The following RPS6KA2 variants were observed in gnomAD, a reference collection of about 807,000 sequenced individuals.
RPS6KA2 encodes the protein ribosomal protein S6 kinase A2.
Under a neutral mutation model 91.8 loss-of-function variants are expected in RPS6KA2, and 42 were observed. That is an observed-to-expected ratio of 0.46 (90% CI 0.36 to 0.59). RPS6KA2 has a LOEUF of 0.59. Among genes scored for constraint, RPS6KA2 ranks in the 20% least tolerant of loss-of-function variants. RPS6KA2 has a pLI of 0.00. For synonymous variants in RPS6KA2, 414 were observed against 393.6 expected (o/e 1.05, Z -0.61); for missense variants, 798 against 978.5 (o/e 0.82, Z 2.46).
At chr6:166,581,466 T>C (rs968817708) in intron 1 of RPS6KA2, among the ~76,000 whole-genome samples, 1 of 152,106 alleles carries the variant, frequency 6.6e-6, no homozygotes, top group Non-Finnish European at 1.5e-5. Context: ...TACGCTCCAC[T>C]GTCCTGAGGG....
rs533505427 is a variant in RPS6KA2, at chr6:166,515,898, G to A, written c.299-5541C>T. Among the ~76,000 whole-genome samples, 38 of 152,262 alleles carry A rather than the reference G, an allele frequency of 2.5e-4. 1 individual carries two copies. The highest frequency in any genetic ancestry group is 1.7e-3 in the Admixed American group (26 of 15,298). On this transcript the variant is annotated intron_variant, in intron 3 of 20. Transcript: ENST00000265678. ...GCTAGTCAGAAACTCAGAAGAATGC[G>A]ACCATTTGTCTCTCATCTACCTATG...
intron 14 of RPS6KA2, among the ~76,000 whole-genome samples, chr6:166,446,114 G>A (rs1194110250): frequency 6.6e-6 from 1 of 152,248 alleles, no homozygotes; most frequent in Non-Finnish European, 1.5e-5. Context: ...TTGGTAACAA[G>A]TGGACCCATT....
chr6:166,723,862 G>A (rs896932608), intron 2 of RPS6KA2, among the ~76,000 whole-genome samples: 6 of 151,948 alleles, frequency 3.9e-5, no homozygotes, highest in African/African-American at 1.5e-4. Context: ...ACCACGCCCA[G>A]CTAATTTTTG....
At chr6:166,506,226 C>T (rs1414304782) in intron 5 of RPS6KA2, among the ~76,000 whole-genome samples, 1 of 152,216 alleles carries the variant, frequency 6.6e-6, no homozygotes, top group Non-Finnish European at 1.5e-5. Context: ...AGCAACTCCA[C>T]GAATCTGTGG....
At chr6:166,580,522 A>G (rs1269551455) in intron 1 of RPS6KA2, among the ~76,000 whole-genome samples, 3 of 152,198 alleles carry the variant, frequency 2.0e-5, no homozygotes, top group South Asian at 2.1e-4. Flanking sequence ...ATGTTTTAAG[A>G]AAGTTTACAA....
At position 166,695,750 on chromosome 6, in the gene RPS6KA2, CAGGAGCACTGGATTCTCAT is replaced by C. The variant is rs1562387952; in HGVS notation, c.124-156985_124-156967del. Among the ~76,000 whole-genome samples, 133 of 130,716 alleles carry C rather than the reference CAGGAGCACTGGATTCTCAT, an allele frequency of 1.0e-3. 3 individuals are homozygous for C. The highest frequency in any genetic ancestry group is 1.3e-3 in the African/African-American group (47 of 35,046). 85.8% of individuals were successfully genotyped at this position (130,716 alleles called of 152,430 possible). A position where few individuals can be genotyped will look rare whatever the true frequency, so the allele number is the denominator to read the frequency against. On this transcript the variant is annotated intron_variant, in intron 2 of 21. Coordinates refer to the RPS6KA2 transcript ENST00000503859. ...TTCTCACAGGAGCACTGGATTCTCACAGGAGCACTGGATTCTCATAGGAGCACTGGATTCTCACAGGAGC... is the reference window on the plus strand; with the variant it reads ...TTCTCACAGGAGCACTGGATTCTCACAGGAGCACTGGATTCTCACAGGAGC...
At chr6:166,552,416 A>G (rs1314236527) in intron 1 of RPS6KA2, among the ~76,000 whole-genome samples, 1 of 152,238 alleles carries the variant, frequency 6.6e-6, no homozygotes, top group East Asian at 1.9e-4. Context: ...CCACATGATG[A>G]CAGCCAATCC....
chr6:166,811,585 C>T (rs1314455638), intron 2 of RPS6KA2, among the ~76,000 whole-genome samples: 1 of 152,230 alleles, frequency 6.6e-6, no homozygotes, highest in African/African-American at 2.4e-5. Context: ...AATCATGCTA[C>T]TGCACTCCAG....
intron 2 of RPS6KA2, among the ~76,000 whole-genome samples, chr6:166,672,124 TAC>T (rs1489618840): frequency 3.9e-5 from 6 of 152,050 alleles, no homozygotes; most frequent in Admixed American, 2.0e-4. Context: ...GGAAAAAATG[TAC>T]AGACACCAAG....
intron 2 of RPS6KA2, among the ~76,000 whole-genome samples, chr6:166,856,851 C>T (rs533274892): frequency 6.6e-6 from 1 of 152,314 alleles, no homozygotes; most frequent in South Asian, 2.1e-4. Context: ...GCCTGCCTAC[C>T]TTTTGATCAT....
intron 2 of RPS6KA2, among the ~76,000 whole-genome samples, chr6:166,790,362 G>A (rs537896146): frequency 2.4e-4 from 37 of 152,334 alleles, no homozygotes; most frequent in Middle Eastern, 6.8e-3. Context: ...ATGGGACTAC[G>A]TGAAAAGACC....
chr6:166,589,489 C>G (rs982212311), intron 1 of RPS6KA2, among the ~76,000 whole-genome samples: 2 of 152,182 alleles, frequency 1.3e-5, no homozygotes, highest in African/African-American at 4.8e-5. Context: ...CTTCTATGCC[C>G]GACAGGAGGG....
intron 2 of RPS6KA2, among the ~76,000 whole-genome samples, chr6:166,774,270 G>C (rs1778555614): frequency 6.6e-6 from 1 of 152,222 alleles, no homozygotes; most frequent in African/African-American, 2.4e-5. Flanking sequence ...AGAATGTCTT[G>C]AAGATTGTGC....
intron 2 of RPS6KA2, among the ~76,000 whole-genome samples, chr6:166,656,344 A>G (rs906129636): frequency 1.3e-5 from 2 of 152,338 alleles, no homozygotes; most frequent in Admixed American, 1.3e-4. Flanking sequence ...AGTGGGCAGG[A>G]CGATGGTCTG....
At position 166,533,190 on chromosome 6, in the gene RPS6KA2, G is replaced by C. The variant is rs1032699513; in HGVS notation, c.217-1877C>G. 6.6e-6 allele frequency among the ~76,000 whole-genome samples: 1 copy of C among 152,232 alleles called. No individual in the cohort carries two copies. The highest frequency in any genetic ancestry group is 1.5e-5 in the Non-Finnish European group (1 of 68,028). On this transcript the variant is annotated intron_variant, in intron 2 of 20. Coordinates refer to ENST00000265678, the MANE Select transcript of RPS6KA2 (RefSeq NM_021135.6). The surrounding 1 kb of genome is among the most constrained non-coding windows in gnomAD (Gnocchi z 4.0). The stretch of plus-strand genomic sequence containing the variant: ...ATCTTCTGCTTTGAATCACGGGAAA[G>C]TCACATGCCATGCACAGTTTTAGCT...
chr6:166,858,031 T>G (rs966713882), intron 2 of RPS6KA2: 4 of 598,860 alleles, frequency 6.7e-6, no homozygotes, highest in Non-Finnish European at 1.2e-5. Context: ...GCACATGATA[T>G]GTACATATGC....
At chr6:166,745,371 C>T (rs767006759) in intron 2 of RPS6KA2, among the ~76,000 whole-genome samples, 12 of 152,064 alleles carry the variant, frequency 7.9e-5, no homozygotes, top group East Asian at 1.9e-4. Context: ...AAGCTGGTCT[C>T]GAACTCCTGA....
Position 166,837,030 on chromosome 6 carries a change from C to T in RPS6KA2, c.123+21170G>A, listed in dbSNP as rs1780335638. On this transcript the variant is annotated intron_variant, in intron 2 of 21. Coordinates refer to the RPS6KA2 transcript ENST00000503859. ...ACAGCGGGATTTCCAGTACCCGCTGCACCCTCAGCGCTGAGCAGGTGCCGC... is the reference window on the plus strand; with the variant it reads ...ACAGCGGGATTTCCAGTACCCGCTGTACCCTCAGCGCTGAGCAGGTGCCGC... 1.3e-5 allele frequency among the ~76,000 whole-genome samples: 2 copies of T among 152,220 alleles called. 1 individual carries two copies. Among genetic ancestry groups the T allele is most frequent in the South Asian group, 4.1e-4 (2 of 4,836 alleles).
intron 2 of RPS6KA2, among the ~76,000 whole-genome samples, chr6:166,786,440 T>C (rs1030682484): frequency 6.6e-6 from 1 of 151,978 alleles, no homozygotes; most frequent in African/African-American, 2.4e-5. Flanking sequence ...ACAAAACTGA[T>C]TATCAAAGTA....
Sources: gnomAD v4.1 joint callset for allele counts (sites outside exome capture counted in the v4.1 genomes callset) on GRCh38, gnomAD v4.1.1 for gene constraint, Gnocchi (gnomAD v3.1) non-coding constraint, MANE v1.5 for transcripts, NCBI Gene and HGNC (gene_info 2026-07-23, HGNC 2026-07-21) for gene names.